COL21A1: variants seen among roughly 807,000 people sequenced by gnomAD.
The protein encoded by COL21A1 is collagen type XXI alpha 1 chain.
In COL21A1, 149 loss-of-function variants were observed where a neutral mutation model predicts 137.9. That is an observed-to-expected ratio of 1.08 (90% CI 0.95 to 1.24). COL21A1 has a LOEUF of 1.24. Among genes scored for constraint, COL21A1 ranks in the 50% most tolerant of loss-of-function variants. The pLI, the probability that COL21A1 is intolerant of heterozygous loss-of-function variation, is 0.00. For synonymous variants in COL21A1, 456 were observed against 391.5 expected, an observed-to-expected ratio of 1.16 and a Z score of -1.95; for missense variants, 1,167 against 1,158.4, an observed-to-expected ratio of 1.01 and a Z score of -0.11.
chr6:56,228,111 CAG>C (rs1781327127), intron 1 of COL21A1, among the ~76,000 whole-genome samples: 1 of 151,912 alleles, frequency 6.6e-6, no homozygotes, highest in Non-Finnish European at 1.5e-5. Context: ...ACTCAGGAAA[CAG>C]AGCAGGAACA....
chr6:56,090,703 G>A (rs1768726481), intron 17 of COL21A1, among the ~76,000 whole-genome samples: 1 of 151,848 alleles, frequency 6.6e-6, no homozygotes, highest in Non-Finnish European at 1.5e-5. Context: ...ATAGTTTTAT[G>A]TAGTAATATT....
intron 1 of COL21A1, among the ~76,000 whole-genome samples, chr6:56,190,754 G>T (rs1778614959): frequency 6.6e-6 from 1 of 152,014 alleles, no homozygotes; most frequent in African/African-American, 2.4e-5. Flanking sequence ...ATCAAATCAG[G>T]TTCATCCCTG....
intron 1 of COL21A1, among the ~76,000 whole-genome samples, chr6:56,288,729 A>G (rs904758721): frequency 1.3e-5 from 2 of 152,226 alleles, no homozygotes; most frequent in Non-Finnish European, 2.9e-5. Flanking sequence ...TAGCACTTTA[A>G]TGATTAGCTG....
intron 1 of COL21A1, among the ~76,000 whole-genome samples, chr6:56,227,144 AACC>A (rs1188091482): frequency 1.3e-5 from 2 of 152,032 alleles, no homozygotes; most frequent in African/African-American, 4.8e-5. Flanking sequence ...GCTACCAAGA[AACC>A]ACAATTCTTG....
chr6:56,324,357 G>A (rs559557197), intron 1 of COL21A1, among the ~76,000 whole-genome samples: 93 of 152,186 alleles, frequency 6.1e-4, no homozygotes, highest in African/African-American at 2.2e-3. Flanking sequence ...AGCAGAGTAA[G>A]GACAAGAGGT....
chr6:56,284,946 C>T (rs753792742), intron 1 of COL21A1, among the ~76,000 whole-genome samples: 5 of 152,170 alleles, frequency 3.3e-5, no homozygotes, highest in Non-Finnish European at 7.4e-5. Flanking sequence ...GGCATTTGGG[C>T]ATTAGTACTT....
intron 1 of COL21A1, among the ~76,000 whole-genome samples, chr6:56,274,002 C>T (rs563729541): frequency 1.8e-4 from 28 of 152,208 alleles, no homozygotes; most frequent in African/African-American, 6.7e-4. Context: ...TCAAACCCAA[C>T]CCCAGTAGCA....
chr6:56,311,309 T>C (rs1390393870), intron 1 of COL21A1, among the ~76,000 whole-genome samples: 3 of 152,212 alleles, frequency 2.0e-5, no homozygotes, highest in Non-Finnish European at 4.4e-5. Context: ...GTGTTCCTAG[T>C]ATAATGAGGG....
At chr6:56,304,875 T>G (rs1200096966) in intron 1 of COL21A1, among the ~76,000 whole-genome samples, 2 of 152,234 alleles carry the variant, frequency 1.3e-5, no homozygotes, top group Non-Finnish European at 2.9e-5. Flanking sequence ...CATTTAGTGC[T>G]ATAAATTTCC....
intron 1 of COL21A1, among the ~76,000 whole-genome samples, chr6:56,325,926 ATATAT>A (rs1765067766): frequency 3.6e-5 from 1 of 28,150 alleles, no homozygotes; most frequent in African/African-American, 2.2e-4. Context: ...ATTATATAAT[ATATAT>A]AATATATATT....
At chr6:56,219,216 C>CAAAAAAAA (rs386407160) in intron 1 of COL21A1, among the ~76,000 whole-genome samples, 3 of 76,494 alleles carry the variant, frequency 3.9e-5, no homozygotes, top group African/African-American at 1.1e-4. Flanking sequence ...AAACTTGCAC[C>CAAAAAAAA]AAAAAAAAAA....
chr6:56,292,783 T>C (rs1764082525), intron 1 of COL21A1, among the ~76,000 whole-genome samples: 1 of 152,216 alleles, frequency 6.6e-6, no homozygotes, highest in African/African-American at 2.4e-5. Flanking sequence ...GGTATGCTTC[T>C]GCCACCCAGT....
At chr6:56,327,167 A>G (rs999012354) in intron 1 of COL21A1, among the ~76,000 whole-genome samples, 2 of 151,684 alleles carry the variant, frequency 1.3e-5, no homozygotes, top group African/African-American at 2.4e-5. Context: ...AACTCTAATT[A>G]TTTTTTAAAT....
At chr6:56,238,363 T>G (rs1244624344) in intron 1 of COL21A1, among the ~76,000 whole-genome samples, 1 of 149,554 alleles carries the variant, frequency 6.7e-6, no homozygotes, top group East Asian at 2.0e-4. Context: ...ACAGCAAATC[T>G]GGACTGCAGA....
At chr6:56,376,649 G>A (rs1236800101) in intron 1 of COL21A1, among the ~76,000 whole-genome samples, 1 of 151,954 alleles carries the variant, frequency 6.6e-6, no homozygotes, top group Non-Finnish European at 1.5e-5. Context: ...AGAGATAGGG[G>A]AGAAGTCAAG....
At chr6:56,290,235 T>C (rs1272488814) in intron 1 of COL21A1, among the ~76,000 whole-genome samples, 2 of 152,072 alleles carry the variant, frequency 1.3e-5, no homozygotes, top group Non-Finnish European at 2.9e-5. Context: ...GATCAGGGTT[T>C]CTCAGCCTTA....
chr6:56,141,232 A>G (rs1428337906), intron 12 of COL21A1, among the ~76,000 whole-genome samples: 2 of 152,210 alleles, frequency 1.3e-5, no homozygotes, highest in African/African-American at 4.8e-5. Flanking sequence ...TGTGGTATAT[A>G]TACATAATGG....
At chr6:56,188,824 T>G (rs1582596470) in intron 1 of COL21A1, among the ~76,000 whole-genome samples, 1 of 152,284 alleles carries the variant, frequency 6.6e-6, no homozygotes, top group Non-Finnish European at 1.5e-5. Context: ...ACTCCACTGG[T>G]GATACCCAGG....
chr6:56,178,374 T>A (rs1220026208), intron 3 of COL21A1, among the ~76,000 whole-genome samples: 1 of 152,144 alleles, frequency 6.6e-6, no homozygotes, highest in African/African-American at 2.4e-5. Flanking sequence ...TTACAGTACC[T>A]TTATTTAAAG....
Sources: allele counts gnomAD v4.1 joint callset (sites outside exome capture counted in the v4.1 genomes callset), GRCh38; gene constraint gnomAD v4.1.1; transcripts MANE v1.5; gene names NCBI Gene and HGNC (gene_info 2026-07-23, HGNC 2026-07-21).